Variants in BCAS3 observed in about 807,000 individuals in gnomAD.
The protein encoded by BCAS3 is BCAS4/BCAS3 fusion.
BCAS3 carries 53 observed loss-of-function variants against 116.1 expected under a neutral mutation model. The ratio of observed to expected loss-of-function variants is 0.46; its 90% CI spans 0.37 to 0.57. The LOEUF (loss-of-function observed/expected upper bound fraction) is 0.57. Among genes scored for constraint, BCAS3 ranks in the 20% least tolerant of loss-of-function variants. The probability of loss-of-function intolerance (pLI) is 0.00; values close to 1 mark genes in which losing one functional copy is unlikely to be tolerated. For synonymous variants in BCAS3, 391 were observed against 408.2 expected, an observed-to-expected ratio of 0.96 and a Z score of 0.51; for missense variants, 917 against 1,165.4, an observed-to-expected ratio of 0.79 and a Z score of 3.10.
intron 22 of BCAS3, among the ~76,000 whole-genome samples, chr17:61,317,756 G>C (rs1222819635): frequency 6.6e-6 from 1 of 152,216 alleles, no homozygotes; most frequent in Non-Finnish European, 1.5e-5. Context: ...CAAGGCAAGG[G>C]CCCAATACCC....
At chr17:61,064,271 A>G (rs2070378556) in intron 19 of BCAS3, among the ~76,000 whole-genome samples, 1 of 152,126 alleles carries the variant, frequency 6.6e-6, no homozygotes, top group Non-Finnish European at 1.5e-5. Flanking sequence ...GTGAATAGCC[A>G]CTGCATGCCA....
rs1031523852 is a variant in BCAS3 at position 61,326,653 on chromosome 17, C to T, written c.2426-41674C>T. Among the ~76,000 whole-genome samples the T allele has an allele frequency of 1.3e-5, 2 of 152,132 alleles. No homozygotes were observed. The highest frequency in any genetic ancestry group is 4.8e-5 in the African/African-American group (2 of 41,406). ...GAGAGGAAGAGATGTTAAGGATGCT[C>T]CCCAGTTTTCTGGCTTACTTCACTC... is the stretch of plus-strand genomic sequence containing the variant. On this transcript the variant is annotated intron_variant, in intron 22 of 23. Coordinates refer to ENST00000407086, the MANE Select transcript of BCAS3 (RefSeq NM_017679.5). This position sits in a 1 kb window ranked among gnomAD's most constrained non-coding sequence, Gnocchi z 5.3.
intron 21 of BCAS3, among the ~76,000 whole-genome samples, chr17:61,078,848 C>T (rs1002082866): frequency 6.6e-6 from 1 of 152,054 alleles, no homozygotes; most frequent in African/African-American, 2.4e-5. Context: ...TATTCTTTTC[C>T]TGATCTTTCT....
At chr17:60,896,604 G>C (rs1463270270) in intron 10 of BCAS3, among the ~76,000 whole-genome samples, 1 of 138,762 alleles carries the variant, frequency 7.2e-6, no homozygotes, top group African/African-American at 3.1e-5. Flanking sequence ...AGCTGTTTTT[G>C]ACTTTAGAGT....
At chr17:61,075,224 GTA>G (rs368972662) in intron 20 of BCAS3, among the ~76,000 whole-genome samples, 2 of 151,198 alleles carry the variant, frequency 1.3e-5, no homozygotes, top group Non-Finnish European at 3.0e-5. Context: ...ATACGTGTGT[GTA>G]TATATATATA....
intron 22 of BCAS3, among the ~76,000 whole-genome samples, chr17:61,306,668 C>T (rs181494744): frequency 2.6e-5 from 4 of 151,974 alleles, no homozygotes; most frequent in East Asian, 1.9e-4. Flanking sequence ...AGATCCTACT[C>T]GGGAGGCTGA....
rs1400644993 is a variant in BCAS3, at chr17:61,302,294, A to G, written c.2426-66033A>G. Among the ~76,000 whole-genome samples, 1 of 152,158 alleles carries G rather than the reference A, an allele frequency of 6.6e-6. No individual in the cohort carries two copies. Among genetic ancestry groups the G allele is most frequent in the Non-Finnish European group, 1.5e-5 (1 of 68,038 alleles). On this transcript the variant is annotated intron_variant, in intron 22 of 23. Coordinates refer to ENST00000407086, the MANE Select transcript of BCAS3 (RefSeq NM_017679.5). The surrounding 1 kb of genome is among the most constrained non-coding windows in gnomAD (Gnocchi z 4.4). The stretch of plus-strand genomic sequence containing the variant: ...ATCTGACTTTGCCATTTGTGTGGCT[A>G]TGATGTCTTATTCTCCAGAGACGAC...
intron 10 of BCAS3, among the ~76,000 whole-genome samples, chr17:60,902,150 A>G (rs2145062097): frequency 6.6e-6 from 1 of 152,326 alleles, no homozygotes; most frequent in East Asian, 1.9e-4. Context: ...TTTTCCACTG[A>G]CACAATTGAA....
intron 5 of BCAS3, among the ~76,000 whole-genome samples, chr17:60,731,774 C>A (rs2040472535): frequency 6.8e-6 from 1 of 146,696 alleles, no homozygotes; most frequent in Non-Finnish European, 1.5e-5. Flanking sequence ...CGCTTATCAC[C>A]CTCCTATTTT....
rs2066718909 is a variant in BCAS3 at position 61,032,488 on chromosome 17, C to T, written c.1638-2178C>T. Among the ~76,000 whole-genome samples, 1 of 152,094 alleles carries T rather than the reference C, an allele frequency of 6.6e-6. No homozygotes were observed. Among genetic ancestry groups the T allele is most frequent in the South Asian group, 2.1e-4 (1 of 4,836 alleles). On this transcript the variant is annotated intron_variant, in intron 16 of 23. Transcript: ENST00000407086. The surrounding 1 kb of genome is among the most constrained non-coding windows in gnomAD (Gnocchi z 4.6). ...AAAGATACCAGCTAGAGGAATTTGT[C>T]AGTTCAATGATAGCAGTTTAGTGAT...
chr17:60,749,712 A>G (rs1353311953), intron 6 of BCAS3, among the ~76,000 whole-genome samples: 1 of 152,118 alleles, frequency 6.6e-6, no homozygotes, highest in African/African-American at 2.4e-5. Flanking sequence ...TCTCATATCT[A>G]ATACCCTCCT....
intron 4 of BCAS3, among the ~76,000 whole-genome samples, chr17:60,708,522 C>CTAA (rs138967495): frequency 1.3e-5 from 2 of 151,772 alleles, no homozygotes; most frequent in East Asian, 1.9e-4. Context: ...CCAAGCCCAG[C>CTAA]TAATAATAAT....
chr17:60,856,697 T>TA (rs1036086793), intron 7 of BCAS3, among the ~76,000 whole-genome samples: 180 of 149,222 alleles, frequency 1.2e-3, no homozygotes, highest in African/African-American at 4.1e-3. Context: ...TCCAAAAAAA[T>TA]AAAAAAAAAA....
chr17:61,311,904 A>G (rs1043080734), intron 22 of BCAS3, among the ~76,000 whole-genome samples: 1 of 79,300 alleles, frequency 1.3e-5, no homozygotes, highest in Non-Finnish European at 2.1e-5. Flanking sequence ...AAAAAAAAGC[A>G]TATATATATA....
chr17:61,108,814 G>A (rs1218513944), intron 22 of BCAS3, among the ~76,000 whole-genome samples: 1 of 151,832 alleles, frequency 6.6e-6, no homozygotes, highest in African/African-American at 2.4e-5. Context: ...TTATGCCTTG[G>A]CGTCCTCTTA....
intron 7 of BCAS3, among the ~76,000 whole-genome samples, chr17:60,833,856 G>T (rs2051149430): frequency 6.6e-6 from 1 of 152,034 alleles, no homozygotes; most frequent in Non-Finnish European, 1.5e-5. Flanking sequence ...GCCTTTACAA[G>T]AAAAGCCAAA....
chr17:61,033,417 C>A (rs2066789973), intron 16 of BCAS3, among the ~76,000 whole-genome samples: 1 of 152,116 alleles, frequency 6.6e-6, no homozygotes, highest in Non-Finnish European at 1.5e-5. Flanking sequence ...ATGAAGTAGG[C>A]ATTACTATTT....
intron 7 of BCAS3, among the ~76,000 whole-genome samples, chr17:60,829,026 T>C (rs528765849): frequency 6.6e-6 from 1 of 152,144 alleles, no homozygotes; most frequent in East Asian, 1.9e-4. Context: ...CAAAGAATTA[T>C]CTAGCTCATA....
chr17:61,152,861 C>A (rs964405816), intron 22 of BCAS3, among the ~76,000 whole-genome samples: 5 of 152,262 alleles, frequency 3.3e-5, no homozygotes, highest in Middle Eastern at 3.4e-3. Flanking sequence ...AAAACAGCCT[C>A]CTGGAGATTT....
Sources: allele counts gnomAD v4.1 joint callset (sites outside exome capture counted in the v4.1 genomes callset), GRCh38; gene constraint gnomAD v4.1.1; non-coding constraint Gnocchi (gnomAD v3.1); transcripts MANE v1.5; gene names NCBI Gene and HGNC (gene_info 2026-07-23, HGNC 2026-07-21).